The following BZW1 variants were observed in gnomAD, a reference collection of about 807,000 sequenced individuals.
BZW1 encodes basic leucine zipper and W2 domains 1, also known as eIF5-mimic protein 2.
BZW1 carries 3 observed loss-of-function variants against 54.1 expected under a neutral mutation model. The observed-to-expected ratio is 0.06, with a 90% CI of 0.03 to 0.14. BZW1 has a LOEUF of 0.14. BZW1 is among the 10% of genes least tolerant of loss of function. BZW1 has a pLI of 1.00. For synonymous variants in BZW1, 152 were observed against 162.7 expected (o/e 0.93, Z 0.50); for missense variants, 206 against 491.7 (o/e 0.42, Z 5.50).
upstream of BZW1, chr2:200,811,884 T>A (rs2038075067): frequency 1.0e-5 from 2 of 191,932 alleles, no homozygotes; most frequent in Non-Finnish European, 1.1e-5. Context: ...CGGGCGGGGG[T>A]GGCACCTCTC....
rs1053933044 is a variant in BZW1, at chr2:200,825,931, A to G, written c.*3753A>G. ...AAAATAGGTTGATAAGTATTTGCAA[A>G]TTCTGGTAAATTGCCTTGCTATGAT... On this transcript the variant is annotated 3_prime_UTR_variant, in exon 12 of 12. Coordinates refer to ENST00000409600, the MANE Select transcript of BZW1 (RefSeq NM_001207067.2). 6.6e-6 allele frequency: 1 copy of G among 152,238 alleles called. No homozygotes were observed. The highest frequency in any genetic ancestry group is 2.4e-5 in the African/African-American group (1 of 41,464). 9.4% of individuals were successfully genotyped at this position (152,238 alleles called of 1,614,324 possible).
At chr2:200,814,263 A>G (rs1257311289) in intron 2 of BZW1, among the ~76,000 whole-genome samples, 1 of 152,220 alleles carries the variant, frequency 6.6e-6, no homozygotes, top group African/African-American at 2.4e-5. Context: ...CATTCTTATT[A>G]TTAGCATCAG....
At position 200,825,558 on chromosome 2, in the gene BZW1, G is replaced by T. The variant is rs1397760939; in HGVS notation, c.*3380G>T. ...TTCATTTTCAGCCAATCTTTCACCA[G>T]TTGTGCTTTGTTCCTTACCCCACCA... On this transcript the variant is annotated 3_prime_UTR_variant, in exon 12 of 12. Coordinates refer to ENST00000409600, the MANE Select transcript of BZW1 (RefSeq NM_001207067.2). The T allele has an allele frequency of 6.6e-6, 1 of 152,202 alleles. No homozygotes were observed. Among genetic ancestry groups the T allele is most frequent in the Non-Finnish European group, 1.5e-5 (1 of 68,034 alleles). 9.4% of individuals were successfully genotyped at this position (152,202 alleles called of 1,614,324 possible). A position where few individuals can be genotyped will look rare whatever the true frequency, so the allele number is the denominator to read the frequency against.
chr2:200,819,774 G>A (rs1377123495), intron 9 of BZW1, among the ~76,000 whole-genome samples: 1 of 152,006 alleles, frequency 6.6e-6, no homozygotes, highest in Non-Finnish European at 1.5e-5. Flanking sequence ...GACCTCAAGT[G>A]ATCCACCCGC....
rs1395132194 is a variant in BZW1 at position 200,823,782 on chromosome 2, A to G, written c.*1604A>G. On this transcript the variant is annotated 3_prime_UTR_variant, in exon 12 of 12. Coordinates refer to ENST00000409600, the MANE Select transcript of BZW1 (RefSeq NM_001207067.2). The stretch of plus-strand genomic sequence containing the variant: ...CGTAGTGATCTGCTTTTACTTTGTA[A>G]TTTGTAGTTCTCAAAAGACTTTTTT... The G allele has an allele frequency of 6.6e-6, 1 of 152,228 alleles. No homozygotes were observed. The highest frequency in any genetic ancestry group is 1.5e-5 in the Non-Finnish European group (1 of 67,958). 9.4% of individuals were successfully genotyped at this position (152,228 alleles called of 1,614,324 possible).
intron 10 of BZW1, 123 bp downstream of exon 10, chr2:200,820,243 C>A: frequency 1.1e-6 from 1 of 885,488 alleles, no homozygotes; most frequent in East Asian, 2.8e-5. Context: ...AGTTATGAGT[C>A]ACCTCTGATT....
intron 5 of BZW1, 39 bp from the exon 6 acceptor site, chr2:200,817,067 A>C: frequency 6.2e-7 from 1 of 1,602,390 alleles, no homozygotes; most frequent in Non-Finnish European, 8.5e-7. Context: ...ATTGTAATGC[A>C]GTTGCTGTTT....
chr2:200,811,833 G>A (rs1425435084), upstream of BZW1: 1 of 168,124 alleles, frequency 5.9e-6, no homozygotes, highest in Non-Finnish European at 1.3e-5. Context: ...CCACGATCAG[G>A]GCGGGGCAAG....
chr2:200,816,387 A>G lies in BZW1; in HGVS notation c.399A>G (p.Lys133=), dbSNP rs748132399. The change falls in exon 5 of 12, where the codon AAA becomes AAG. Residue 133 remains lysine (K), a synonymous_variant. Transcript: ENST00000409600. ...AGAAAGGTTTTGAAGATGAAGTAAAAAAGGTATGAGTAATAATGTACTTTG... is the reference window on the plus strand; with the variant it reads ...AGAAAGGTTTTGAAGATGAAGTAAAGAAGGTATGAGTAATAATGTACTTTG... ...YLEKGFEDEV[K]KLLLFLKGFS... is the part of the protein sequence containing the mutation. The G allele has an allele frequency of 6.3e-7, 1 of 1,582,634 alleles. No individual in the cohort carries two copies. The highest frequency in any genetic ancestry group is 1.7e-5 in the Admixed American group (1 of 59,358).
At position 200,826,420 on chromosome 2, in the gene BZW1, T is replaced by TGATAGATAGATAGA. The variant is rs1559318459; in HGVS notation, c.*4242_*4243insGATAGATAGATAGA. 71 of 62,970 alleles carry TGATAGATAGATAGA rather than the reference T, an allele frequency of 1.1e-3. No individual in the cohort carries two copies. Among genetic ancestry groups the TGATAGATAGATAGA allele is most frequent in the East Asian group, 8.9e-3 (13 of 1,468 alleles). 3.9% of individuals were successfully genotyped at this position (62,970 alleles called of 1,614,324 possible). On this transcript the variant is annotated 3_prime_UTR_variant, in exon 12 of 12. Transcript: ENST00000409600. ...AGATAGATAGATATTTTTTTTTTTT[T>TGATAGATAGATAGA]TTTTTTTTTTTTTTTTTTTTTTGAG...
At chr2:200,813,350 C>T in intron 2 of BZW1, 69 bp downstream of exon 2, 1 of 1,356,238 alleles carries the variant, frequency 7.4e-7, no homozygotes, top group Non-Finnish European at 1.0e-6. Flanking sequence ...CCTTCTCTGA[C>T]AGGTACTTGC....
At position 200,818,429 on chromosome 2, in the gene BZW1, G is replaced by A. The variant is rs41271447; in HGVS notation, c.819+36G>A. On this transcript the variant is annotated intron_variant, in intron 8 of 11. Coordinates refer to ENST00000409600, the MANE Select transcript of BZW1 (RefSeq NM_001207067.2). ...GTTTAAACCGTCTTTTTATGGCTAA[G>A]CTTCTGGCATAGAGATTTTCACTAA... 7,625 of 1,582,074 alleles carry A rather than the reference G, an allele frequency of 4.8e-3. 37 individuals are homozygous for A. Among genetic ancestry groups the A allele is most frequent in the South Asian group, 0.015 (1,297 of 86,374 alleles).
In BZW1 at chr2:200,822,062, CTG is replaced by C. The variant is rs1218032559; in HGVS notation, c.1229-83_1229-82del. ...CCGGCCTGTGGGACAGAGGGAGACT[CTG>C]TCTTAAAGAAGCTTCAAAGTTATAA... On this transcript the variant is annotated intron_variant, in intron 11 of 11. Coordinates refer to ENST00000409600, the MANE Select transcript of BZW1 (RefSeq NM_001207067.2). 4.6e-6 allele frequency: 6 copies of C among 1,301,024 alleles called. No homozygotes were observed. In the African/African-American group the frequency reaches 8.8e-5, roughly 19 times the overall value. The allele number at this position is 1,301,024 out of a possible 1,614,324, so 80.6% of individuals were successfully genotyped here. A position where few individuals can be genotyped will look rare whatever the true frequency, so the allele number is the denominator to read the frequency against.
chr2:200,814,103 T>G (rs549233099), intron 2 of BZW1, among the ~76,000 whole-genome samples: 4 of 152,360 alleles, frequency 2.6e-5, no homozygotes, highest in African/African-American at 4.8e-5. Flanking sequence ...ATTCTAATCT[T>G]TGCAGATTCA....
At chr2:200,820,162 A>AC (rs1379297982) in intron 10 of BZW1, 42 bp downstream of exon 10, 4 of 1,435,118 alleles carry the variant, frequency 2.8e-6, no homozygotes, top group Non-Finnish European at 3.7e-6. Flanking sequence ...CTTAATAAAA[A>AC]CCCTTATAAA....
intron 11 of BZW1, 130 bp from the exon 12 acceptor site, chr2:200,822,017 C>G (rs879475050): frequency 6.2e-6 from 5 of 811,676 alleles, no homozygotes; most frequent in Non-Finnish European, 1.0e-5. Context: ...TGCAGTGAGC[C>G]AAGAGGGTGC....
chr2:200,821,085 A>G, intron 10 of BZW1, 98 bp from the exon 11 acceptor site: 1 of 1,409,642 alleles, frequency 7.1e-7, no homozygotes, highest in Non-Finnish European at 9.7e-7. Context: ...GCTTTTCAGC[A>G]GTTTGTTTGC....
At chr2:200,820,246 C>T (rs1405695852) in intron 10 of BZW1, 126 bp downstream of exon 10, 2 of 869,078 alleles carry the variant, frequency 2.3e-6, no homozygotes, top group East Asian at 5.7e-5. Flanking sequence ...TATGAGTCAC[C>T]TCTGATTAAA....
chr2:200,816,943 C>T (rs531992491), intron 5 of BZW1, among the ~76,000 whole-genome samples, 163 bp from the exon 6 acceptor site: 4 of 152,136 alleles, frequency 2.6e-5, no homozygotes, highest in Non-Finnish European at 5.9e-5. Flanking sequence ...AAGTAACTTG[C>T]CCGAGATCAT....
Sources: allele counts gnomAD v4.1 joint callset (sites outside exome capture counted in the v4.1 genomes callset), GRCh38; gene constraint gnomAD v4.1.1; transcripts MANE v1.5; gene names NCBI Gene and HGNC (gene_info 2026-07-23, HGNC 2026-07-21).